Variants in SGCZ observed in about 807,000 individuals in gnomAD.
The protein encoded by SGCZ is sarcoglycan zeta.
SGCZ carries 40 observed loss-of-function variants against 41.3 expected under a neutral mutation model. That is an observed-to-expected ratio of 0.97 (90% CI 0.75 to 1.26). The LOEUF (loss-of-function observed/expected upper bound fraction) is 1.26, where lower values mean the gene tolerates loss of function less well. Ranked by LOEUF, SGCZ falls within the 50% of genes most tolerant of loss-of-function variation. The pLI is 0.00. For synonymous variants in SGCZ, 206 were observed against 137.5 expected (o/e 1.50, Z -3.49); for missense variants, 552 against 369.8 (o/e 1.49, Z -4.04).
intron 2 of SGCZ, among the ~76,000 whole-genome samples, chr8:14,503,090 A>G (rs976911561): frequency 6.6e-6 from 1 of 152,236 alleles, no homozygotes; most frequent in African/African-American, 2.4e-5. Flanking sequence ...TGTGGCACAT[A>G]CACACCATGT....
chr8:14,130,469 A>G (rs530827665), intron 5 of SGCZ, among the ~76,000 whole-genome samples: 22 of 147,420 alleles, frequency 1.5e-4, no homozygotes, highest in Middle Eastern at 3.5e-3. Flanking sequence ...GGTTCCTGCC[A>G]TGTTTATTCC....
chr8:14,776,798 T>A (rs1344148351), intron 1 of SGCZ, among the ~76,000 whole-genome samples: 13 of 152,162 alleles, frequency 8.5e-5, no homozygotes. Flanking sequence ...CAGCCCAGAC[T>A]AATACACTTT....
chr8:14,248,856 A>G (rs1450042825), intron 3 of SGCZ, among the ~76,000 whole-genome samples: 1 of 152,186 alleles, frequency 6.6e-6, no homozygotes, highest in Non-Finnish European at 1.5e-5. Context: ...GTATGCTGTA[A>G]CTTAATTTCT....
chr8:14,662,729 A>G (rs985348), intron 1 of SGCZ, among the ~76,000 whole-genome samples: 88,927 of 152,020 alleles, frequency 0.58, 28,309 homozygotes, highest in African/African-American at 0.83. Flanking sequence ...AGATGAATTT[A>G]AGATGGGGAG....
chr8:14,284,759 G>A (rs1460986237), intron 3 of SGCZ, among the ~76,000 whole-genome samples: 1 of 151,946 alleles, frequency 6.6e-6, no homozygotes, highest in African/African-American at 2.4e-5. Context: ...ATACTAGAGT[G>A]CATATTTGGT....
chr8:14,887,949 C>T (rs1804872017), intron 1 of SGCZ, among the ~76,000 whole-genome samples: 1 of 151,982 alleles, frequency 6.6e-6, no homozygotes, highest in African/African-American at 2.4e-5. Context: ...AGATGTTGCT[C>T]AAAGGGTACA....
At chr8:14,660,947 G>A (rs1406613770) in intron 1 of SGCZ, among the ~76,000 whole-genome samples, 1 of 152,052 alleles carries the variant, frequency 6.6e-6, no homozygotes, top group Non-Finnish European at 1.5e-5. Flanking sequence ...ATTTACTCAG[G>A]ATAGCAAGTA....
In SGCZ at chr8:14,518,648, C is replaced by G. The variant is rs186790717; in HGVS notation, c.234+36084G>C. Among the ~76,000 whole-genome samples, 47 of 152,118 alleles carry G rather than the reference C, an allele frequency of 3.1e-4. 1 individual carries two copies. The highest frequency in any genetic ancestry group is 1.1e-3 in the African/African-American group (45 of 41,514). On this transcript the variant is annotated intron_variant, in intron 2 of 7. Coordinates refer to ENST00000382080, the MANE Select transcript of SGCZ (RefSeq NM_139167.4). Reference sequence around the variant, plus strand: ...TCTTTCATTGACTTACTTTTGGCAGCTTTCCATCAATCAGGTTACATATAA... The same window carrying G: ...TCTTTCATTGACTTACTTTTGGCAGGTTTCCATCAATCAGGTTACATATAA...
intron 1 of SGCZ, among the ~76,000 whole-genome samples, chr8:15,194,658 A>G (rs898864258): frequency 6.6e-6 from 1 of 152,124 alleles, no homozygotes; most frequent in African/African-American, 2.4e-5. Flanking sequence ...AGAGACAGAA[A>G]GGGAGAGAGA....
intron 4 of SGCZ, among the ~76,000 whole-genome samples, chr8:14,227,840 A>G (rs1806425141): frequency 6.6e-6 from 1 of 152,086 alleles, no homozygotes; most frequent in Non-Finnish European, 1.5e-5. Flanking sequence ...TCCCAAAACT[A>G]AATACAAGAA....
At chr8:14,355,472 C>T (rs1359675328) in intron 2 of SGCZ, among the ~76,000 whole-genome samples, 2 of 152,022 alleles carry the variant, frequency 1.3e-5, no homozygotes, top group Non-Finnish European at 2.9e-5. Context: ...TACATGAAGA[C>T]TTTTTGAATC....
chr8:14,339,899 C>G (rs1319506119), intron 2 of SGCZ, among the ~76,000 whole-genome samples: 4 of 151,894 alleles, frequency 2.6e-5, no homozygotes, highest in Non-Finnish European at 5.9e-5. Flanking sequence ...AAAGAGAGAA[C>G]AGATGCTAAT....
chr8:14,968,317 G>C (rs1801184201), intron 1 of SGCZ, among the ~76,000 whole-genome samples: 1 of 151,972 alleles, frequency 6.6e-6, no homozygotes, highest in African/African-American at 2.4e-5. Flanking sequence ...AGACCCTCTG[G>C]GAACATCTGA....
intron 2 of SGCZ, among the ~76,000 whole-genome samples, chr8:14,471,475 T>G (rs1801211408): frequency 6.6e-6 from 1 of 152,108 alleles, no homozygotes; most frequent in Admixed American, 6.5e-5. Context: ...CAACATCCAA[T>G]TATTCTGATG....
At chr8:14,442,260 G>C (rs1018190935) in intron 2 of SGCZ, among the ~76,000 whole-genome samples, 13 of 152,090 alleles carry the variant, frequency 8.5e-5, no homozygotes, top group African/African-American at 3.1e-4. Flanking sequence ...TCTTGCCCGT[G>C]ATATTCTCGT....
chr8:14,410,804 A>G lies in SGCZ; in HGVS notation c.235-86600T>C, dbSNP rs557498940. Among the ~76,000 whole-genome samples, 242 of 152,302 alleles carry G rather than the reference A, an allele frequency of 1.6e-3. 1 individual carries two copies. Among genetic ancestry groups the G allele is most frequent in the African/African-American group, 5.1e-3 (210 of 41,572 alleles). On this transcript the variant is annotated intron_variant, in intron 2 of 7. Coordinates refer to ENST00000382080, the MANE Select transcript of SGCZ (RefSeq NM_139167.4). ...ACAAAAACCAATGAAACGAACAAAA[A>G]TAGGAGTTCTAAGAGTGTAATTAAG...
At chr8:14,980,546 T>G (rs1204463296) in intron 1 of SGCZ, among the ~76,000 whole-genome samples, 1 of 152,204 alleles carries the variant, frequency 6.6e-6, no homozygotes, top group Non-Finnish European at 1.5e-5. Flanking sequence ...TGGTTCCATG[T>G]GGCTGAGGAA....
At chr8:14,688,972 GACAA>G (rs1304971716) in intron 1 of SGCZ, among the ~76,000 whole-genome samples, 34 of 151,868 alleles carry the variant, frequency 2.2e-4, no homozygotes, top group Admixed American at 1.6e-3. Flanking sequence ...ACCAATAACA[GACAA>G]ACAGAGAGCC....
chr8:14,642,333 C>A (rs76314009), intron 1 of SGCZ, among the ~76,000 whole-genome samples: 1 of 151,396 alleles, frequency 6.6e-6, no homozygotes, highest in African/African-American at 2.4e-5. Context: ...AAGAACTATA[C>A]CATCTCCTTG....
Sources: gnomAD v4.1 joint callset for allele counts (sites outside exome capture counted in the v4.1 genomes callset) on GRCh38, gnomAD v4.1.1 for gene constraint, MANE v1.5 for transcripts, NCBI Gene and HGNC (gene_info 2026-07-23, HGNC 2026-07-21) for gene names.